Variants in MAP2K1 observed in about 807,000 individuals in gnomAD.
The protein encoded by MAP2K1 is mitogen-activated protein kinase kinase 1.
Under a neutral mutation model 46.3 loss-of-function variants are expected in MAP2K1, and 16 were observed. The observed-to-expected ratio is 0.35, with a 90% CI of 0.23 to 0.52. The LOEUF is 0.52. Among genes scored for constraint, MAP2K1 ranks in the 20% least tolerant of loss-of-function variants. The pLI is 0.94. For synonymous variants in MAP2K1, 183 were observed against 185.6 expected (o/e 0.99, Z 0.11); for missense variants, 263 against 497.1 (o/e 0.53, Z 4.48).
At chr15:66,420,491 T>A (rs1278789375) in intron 1 of MAP2K1, among the ~76,000 whole-genome samples, 1 of 151,248 alleles carries the variant, frequency 6.6e-6, no homozygotes, top group Non-Finnish European at 1.5e-5. Flanking sequence ...AGATCAAGGC[T>A]GCAATGAGCT....
At chr15:66,425,628 C>G (rs528513351) in intron 1 of MAP2K1, among the ~76,000 whole-genome samples, 1 of 152,202 alleles carries the variant, frequency 6.6e-6, no homozygotes, top group South Asian at 2.1e-4. Context: ...AGGGGACATT[C>G]AAAATTTATT....
Position 66,485,047 on chromosome 15 carries a change from C to A in MAP2K1, c.751C>A (p.Leu251Met). The A allele has an allele frequency of 1.2e-6, 2 of 1,613,898 alleles. No homozygotes were observed. Among genetic ancestry groups the A allele is most frequent in the Non-Finnish European group, 1.7e-6 (2 of 1,180,028 alleles). Reference sequence around the variant, plus strand: ...GCAGTCAGACATCTGGAGCATGGGACTGTCTCTGGTAGAGATGGCGGTTGG... The same window carrying A: ...GCAGTCAGACATCTGGAGCATGGGAATGTCTCTGGTAGAGATGGCGGTTGG... The part of the protein sequence containing the change: ...SVQSDIWSMG[L>M]SLVEMAVGRY... The change falls in exon 7 of 11, where the codon CTG becomes ATG. Residue 251 changes from leucine to methionine, a missense_variant. Transcript: ENST00000307102.
intron 1 of MAP2K1, among the ~76,000 whole-genome samples, chr15:66,398,208 A>C (rs2093372873): frequency 6.6e-6 from 1 of 150,976 alleles, no homozygotes; most frequent in African/African-American, 2.4e-5. Context: ...CTTGAGCCCA[A>C]GAGCTAGAGA....
intron 5 of MAP2K1, among the ~76,000 whole-genome samples, chr15:66,474,659 T>TC (rs1275812450): frequency 6.6e-6 from 1 of 152,160 alleles, no homozygotes; most frequent in Non-Finnish European, 1.5e-5. Context: ...GAACGCTCCC[T>TC]CAGGGGTCTG....
chr15:66,442,666 T>A (rs943146131), intron 3 of MAP2K1, among the ~76,000 whole-genome samples: 1 of 152,204 alleles, frequency 6.6e-6, no homozygotes, highest in Non-Finnish European at 1.5e-5. Flanking sequence ...CTCTACACTC[T>A]AAGCAGTGGA....
chr15:66,442,816 T>A (rs553826590), intron 3 of MAP2K1, among the ~76,000 whole-genome samples: 1 of 152,200 alleles, frequency 6.6e-6, no homozygotes, highest in African/African-American at 2.4e-5. Context: ...CTGACTGGCT[T>A]TAAGTTGGGA....
chr15:66,423,115 TC>T (rs1211736439), intron 1 of MAP2K1, among the ~76,000 whole-genome samples: 1 of 152,140 alleles, frequency 6.6e-6, no homozygotes, highest in African/African-American at 2.4e-5. Context: ...TTTAAAAAGT[TC>T]TGTCGACCTA....
chr15:66,440,988 G>A lies in MAP2K1; in HGVS notation c.439-2292G>A, dbSNP rs79884311. Among the ~76,000 whole-genome samples, 1,496 of 152,170 alleles carry A rather than the reference G, an allele frequency of 9.8e-3. 55 individuals carry two copies. Among genetic ancestry groups the A allele is most frequent in the Admixed American group, 0.062 (941 of 15,290 alleles). On this transcript the variant is annotated intron_variant, in intron 3 of 10. Coordinates refer to ENST00000307102, the MANE Select transcript of MAP2K1 (RefSeq NM_002755.4). ...ATTAACTGATTAATTTTACAGATAC[G>A]GTCTTGCTCTGTTGCCCAGGCTGGA...
intron 1 of MAP2K1, among the ~76,000 whole-genome samples, chr15:66,429,526 C>G (rs994157914): frequency 2.6e-5 from 4 of 152,130 alleles, no homozygotes; most frequent in Non-Finnish European, 2.9e-5. Flanking sequence ...TATACACATT[C>G]CTAGAATTTG....
chr15:66,391,080 G>A (rs918459828), intron 1 of MAP2K1, among the ~76,000 whole-genome samples: 3 of 150,824 alleles, frequency 2.0e-5, no homozygotes, highest in African/African-American at 7.3e-5. Flanking sequence ...TTTTGGTATG[G>A]GGGTCTTGGT....
chr15:66,490,441 T>G, intron 10 of MAP2K1, 61 bp from the exon 11 acceptor site: 1 of 1,219,680 alleles, frequency 8.2e-7, no homozygotes, highest in Non-Finnish European at 1.2e-6. Context: ...TTTTCCTTCC[T>G]GGTGGGTTTT....
chr15:66,486,290 G>A (rs892914173), intron 7 of MAP2K1, among the ~76,000 whole-genome samples: 3 of 152,162 alleles, frequency 2.0e-5, no homozygotes, highest in Non-Finnish European at 4.4e-5. Flanking sequence ...ATGTAGTTCA[G>A]TGGTTTTTAG....
At chr15:66,478,030 C>G (rs1892799164) in intron 5 of MAP2K1, among the ~76,000 whole-genome samples, 1 of 151,968 alleles carries the variant, frequency 6.6e-6, no homozygotes, top group South Asian at 2.1e-4. Context: ...TTTGTGGGCT[C>G]TGTCCTAACA....
chr15:66,394,399 G>A, intron 1 of MAP2K1, among the ~76,000 whole-genome samples: 1 of 151,418 alleles, frequency 6.6e-6, no homozygotes, highest in East Asian at 1.9e-4. Flanking sequence ...ACAGGTTGAT[G>A]TGCTTTTTTT....
chr15:66,457,375 T>C (rs1379268424), intron 5 of MAP2K1, among the ~76,000 whole-genome samples: 1 of 152,156 alleles, frequency 6.6e-6, no homozygotes, highest in East Asian at 1.9e-4. Context: ...CTGCCTTGGC[T>C]TCCCAAAGTG....
intron 5 of MAP2K1, among the ~76,000 whole-genome samples, chr15:66,459,937 G>A (rs980367184): frequency 1.3e-5 from 2 of 152,228 alleles, no homozygotes; most frequent in Non-Finnish European, 2.9e-5. Flanking sequence ...AAGTCAGAGT[G>A]GCCCCTGCCT....
chr15:66,484,068 ATCT>A (rs1228568488), intron 6 of MAP2K1, among the ~76,000 whole-genome samples: 2 of 150,248 alleles, frequency 1.3e-5, no homozygotes, highest in Admixed American at 6.7e-5. Flanking sequence ...ATTTGATTTG[ATCT>A]TCTTAGTAAT....
chr15:66,465,417 G>T (rs1395994585), intron 5 of MAP2K1, among the ~76,000 whole-genome samples: 1 of 152,154 alleles, frequency 6.6e-6, no homozygotes, highest in Non-Finnish European at 1.5e-5. Context: ...TGGTAATCAG[G>T]TTGGAACAGA....
chr15:66,434,304 C>T (rs1185696378), intron 1 of MAP2K1, among the ~76,000 whole-genome samples: 1 of 151,894 alleles, frequency 6.6e-6, no homozygotes, highest in East Asian at 1.9e-4. Flanking sequence ...TAACTTTAAC[C>T]AGCTTTAACA....
Sources: allele counts gnomAD v4.1 joint callset (sites outside exome capture counted in the v4.1 genomes callset), GRCh38; gene constraint gnomAD v4.1.1; transcripts MANE v1.5; gene names NCBI Gene and HGNC (gene_info 2026-07-23, HGNC 2026-07-21).